Variants in GRAMD1B observed in about 807,000 individuals in gnomAD.
GRAMD1B encodes GRAM domain containing 1B.
A neutral mutation model predicts 99.7 loss-of-function variants in GRAMD1B; 37 were observed. The ratio of observed to expected loss-of-function variants is 0.37; its 90% CI spans 0.29 to 0.49. The LOEUF (loss-of-function observed/expected upper bound fraction) is 0.49, where lower values mean the gene tolerates loss of function less well. GRAMD1B is among the 20% of genes least tolerant of loss of function. GRAMD1B has a pLI of 0.98. For missense variants in GRAMD1B, 888 were observed against 1,009.2 expected (o/e 0.88, Z 1.63); for synonymous variants, 427 against 387.6 (o/e 1.10, Z -1.19).
chr11:123,408,678 A>G (rs978536838), intron 1 of GRAMD1B, among the ~76,000 whole-genome samples: 1 of 152,258 alleles, frequency 6.6e-6, no homozygotes, highest in African/African-American at 2.4e-5. Flanking sequence ...AAGACTACCT[A>G]TGTGCTTAGG....
chr11:123,619,046 C>T, intron 18 of GRAMD1B, 61 bp from the exon 19 acceptor site: 1 of 924,266 alleles, frequency 1.1e-6, no homozygotes, highest in Non-Finnish European at 1.7e-6. Flanking sequence ...GGTCTGGGAG[C>T]CCAGGACAGT....
chr11:123,610,010 G>T lies in GRAMD1B; in HGVS notation c.1776+97G>T. 2.3e-6 allele frequency: 2 copies of T among 869,374 alleles called. No homozygotes were observed. The highest frequency in any genetic ancestry group is 1.7e-5 in the African/African-American group (1 of 59,618). The allele number at this position is 869,374 out of a possible 1,614,324, so 53.9% of individuals were successfully genotyped here. The stretch of plus-strand genomic sequence containing the variant: ...AGATGTCAGGAAGAAGTTTCAGGGC[G>T]CAAGTGTCATTTTGCCCCAAAGCGG... On this transcript the variant is annotated intron_variant, in intron 13 of 19. Coordinates refer to ENST00000635736, the MANE Select transcript of GRAMD1B (RefSeq NM_001387025.1). The surrounding 1 kb of genome is among the most constrained non-coding windows in gnomAD (Gnocchi z 4.1).
At chr11:123,424,462 T>A (rs899520723) in intron 1 of GRAMD1B, among the ~76,000 whole-genome samples, 1 of 152,074 alleles carries the variant, frequency 6.6e-6, no homozygotes, top group African/African-American at 2.4e-5. Context: ...CAAGACCCTG[T>A]CTCTAATTAA....
In GRAMD1B at chr11:123,391,526, G is replaced by A. The variant is rs537180267; in HGVS notation, c.-176+32727G>A. Among the ~76,000 whole-genome samples, 30 of 152,136 alleles carry A rather than the reference G, an allele frequency of 2.0e-4. 1 individual carries two copies. The highest frequency in any genetic ancestry group is 1.4e-3 in the East Asian group (7 of 5,164). ...GGCTGGAGTGCAGTGGCATGATCTC[G>A]GCTCACTGCAACCTCCGCCTCCTGG... On this transcript the variant is annotated intron_variant, in intron 1 of 20. Coordinates refer to the GRAMD1B transcript ENST00000638157.
intron 1 of GRAMD1B, among the ~76,000 whole-genome samples, chr11:123,449,380 G>A (rs1949777857): frequency 1.3e-5 from 2 of 152,206 alleles, no homozygotes; most frequent in African/African-American, 2.4e-5. Context: ...AGCCTCTAAG[G>A]AAATTCGATT....
chr11:123,529,341 T>TCA (rs1452502095), intron 2 of GRAMD1B, among the ~76,000 whole-genome samples: 1 of 152,220 alleles, frequency 6.6e-6, no homozygotes, highest in Admixed American at 6.5e-5. Flanking sequence ...AGGCTGTACT[T>TCA]CACACAGCTG....
chr11:123,596,696 A>G (rs1777310267), intron 7 of GRAMD1B, among the ~76,000 whole-genome samples: 1 of 152,216 alleles, frequency 6.6e-6, no homozygotes, highest in Non-Finnish European at 1.5e-5. Context: ...GGTTTGACCT[A>G]TATTTGTTGT....
At position 123,447,229 on chromosome 11, in the gene GRAMD1B, C is replaced by T. The variant is rs183595330; in HGVS notation, c.374+16063C>T. On this transcript the variant is annotated intron_variant, in intron 1 of 19. Transcript: ENST00000635736. ...ACACTCAGCTGCCACCTGTCAGCACCTGTTTCTGTCAGACAGACGGGTCTC... is the reference window on the plus strand; with the variant it reads ...ACACTCAGCTGCCACCTGTCAGCACTTGTTTCTGTCAGACAGACGGGTCTC... 1.2e-4 allele frequency among the ~76,000 whole-genome samples: 19 copies of T among 152,306 alleles called. No homozygotes were observed. The East Asian group carries it at 3.1e-3, about 25-fold the overall frequency.
rs918117659 is a variant in GRAMD1B, at chr11:123,609,816, A to G, written c.1679A>G (p.Lys560Arg). Residue 560 changes from lysine (K) to arginine (R), a missense_variant, in exon 13 of 20, where the codon AAA (lysine) becomes AGA (arginine). Coordinates refer to ENST00000635736, the MANE Select transcript of GRAMD1B (RefSeq NM_001387025.1). The part of the protein sequence containing the change: ...RFSDIIFHPW[K>R]KEENGNQSRV... ...TTAGATATCATCTTCCATCCATGGA[A>G]AAAGGAGGAGAATGGAAACCAGAGC... The G allele has an allele frequency of 2.5e-6, 4 of 1,595,980 alleles. No homozygotes were observed. The highest frequency in any genetic ancestry group is 1.1e-5 in the South Asian group (1 of 88,194).
intron 1 of GRAMD1B, among the ~76,000 whole-genome samples, chr11:123,474,513 C>T (rs763360124): frequency 4.6e-5 from 7 of 152,054 alleles, no homozygotes; most frequent in Admixed American, 1.3e-4. Context: ...TGTGAGTAAT[C>T]GCAATAAGTC....
chr11:123,535,741 C>T (rs1943902760), intron 2 of GRAMD1B, among the ~76,000 whole-genome samples: 1 of 152,144 alleles, frequency 6.6e-6, no homozygotes, highest in Non-Finnish European at 1.5e-5. Flanking sequence ...TAAAGATGAA[C>T]ATTGTCTGTT....
intron 2 of GRAMD1B, among the ~76,000 whole-genome samples, chr11:123,523,780 G>A (rs1394513051): frequency 1.3e-5 from 2 of 152,174 alleles, no homozygotes; most frequent in African/African-American, 2.4e-5. Context: ...AGGTCATAAA[G>A]GACAACTCTT....
At chr11:123,495,900 T>C (rs1939199436) in intron 2 of GRAMD1B, among the ~76,000 whole-genome samples, 1 of 152,212 alleles carries the variant, frequency 6.6e-6, no homozygotes, top group Non-Finnish European at 1.5e-5. Context: ...TCTTTATGTC[T>C]TATTGTACTT....
chr11:123,481,558 G>A (rs181330012), intron 2 of GRAMD1B, among the ~76,000 whole-genome samples: 61 of 152,342 alleles, frequency 4.0e-4, no homozygotes, highest in Non-Finnish European at 6.9e-4. Flanking sequence ...GGCATTTTGT[G>A]CCTGAGGAAG....
rs144449406 is a variant in GRAMD1B at position 123,544,610 on chromosome 11, G to A, written c.453-32757G>A. 4.9e-3 allele frequency among the ~76,000 whole-genome samples: 744 copies of A among 152,286 alleles called. 4 individuals carry two copies. The highest frequency in any genetic ancestry group is 0.017 in the African/African-American group (716 of 41,566). Reference sequence around the variant, plus strand: ...CTAACTCTCCCTGGGAGGAAAACTTGAGATGCACAGGAGGTCCTGGGTTCC... The same window carrying A: ...CTAACTCTCCCTGGGAGGAAAACTTAAGATGCACAGGAGGTCCTGGGTTCC... On this transcript the variant is annotated intron_variant, in intron 2 of 19. Transcript: ENST00000635736.
intron 1 of GRAMD1B, among the ~76,000 whole-genome samples, chr11:123,457,906 G>A (rs975341431): frequency 6.6e-6 from 1 of 152,010 alleles, no homozygotes; most frequent in Non-Finnish European, 1.5e-5. Flanking sequence ...TGTAGAGACA[G>A]GGTCCTGCTA....
chr11:123,447,754 A>G (rs1314601713), intron 1 of GRAMD1B, among the ~76,000 whole-genome samples: 1 of 152,206 alleles, frequency 6.6e-6, no homozygotes, highest in Non-Finnish European at 1.5e-5. Context: ...AAGCAAAGAC[A>G]TTTGTGCCTA....
At chr11:123,548,365 TACAC>T (rs113307581) in intron 2 of GRAMD1B, among the ~76,000 whole-genome samples, 10,763 of 129,104 alleles carry the variant, frequency 0.083, 546 homozygotes, top group Admixed American at 0.16. Context: ...TATATATATG[TACAC>T]ACACACACAC....
In GRAMD1B at chr11:123,619,116, G is replaced by A. The variant is rs754564651; in HGVS notation, c.2436G>A (p.Gln812=). 6.5e-7 allele frequency: 1 copy of A among 1,547,692 alleles called. No individual in the cohort carries two copies. Among genetic ancestry groups the A allele is most frequent in the Non-Finnish European group, 8.8e-7 (1 of 1,140,596 alleles). The change falls in exon 19 of 20, where the codon CAG becomes CAA. Residue 812 remains glutamine (Q), a synonymous_variant. Coordinates refer to ENST00000635736, the MANE Select transcript of GRAMD1B (RefSeq NM_001387025.1). ...QGLRLQERLP[Q]SQTEWAQLLE... is the part of the protein sequence containing the mutation. ...TTCTTCTACCCCACAGGTTACCCCA[G>A]TCTCAGACAGAATGGGCCCAGCTCT...
Sources: gnomAD v4.1 joint callset for allele counts (sites outside exome capture counted in the v4.1 genomes callset) on GRCh38, gnomAD v4.1.1 for gene constraint, Gnocchi (gnomAD v3.1) non-coding constraint, MANE v1.5 for transcripts, NCBI Gene and HGNC (gene_info 2026-07-23, HGNC 2026-07-21) for gene names.